INTS8: variants seen among roughly 807,000 people sequenced by gnomAD.
The protein encoded by INTS8 is protein kaonashi-1.
Under a neutral mutation model 138.9 loss-of-function variants are expected in INTS8, and 47 were observed. The ratio of observed to expected loss-of-function variants is 0.34; its 90% CI spans 0.27 to 0.43. The LOEUF (loss-of-function observed/expected upper bound fraction) is 0.43, where lower values mean the gene tolerates loss of function less well. Among genes scored for constraint, INTS8 ranks in the 20% least tolerant of loss-of-function variants. The pLI is 1.00. For synonymous variants in INTS8, 392 were observed against 400.9 expected (o/e 0.98, Z 0.27); for missense variants, 996 against 1,173.0 (o/e 0.85, Z 2.20).
chr8:94,872,716 G>A (rs1375972418), intron 21 of INTS8, among the ~76,000 whole-genome samples: 1 of 152,128 alleles, frequency 6.6e-6, no homozygotes, highest in East Asian at 1.9e-4. Flanking sequence ...CACTTGATAC[G>A]AAACTTTCAA....
rs1230190886 is a variant in INTS8 at position 94,881,728 on chromosome 8, T to C, written c.*1494T>C. 6 of 1,613,878 alleles carry C rather than the reference T, an allele frequency of 3.7e-6. No homozygotes were observed. Among genetic ancestry groups the C allele is most frequent in the South Asian group, 1.1e-5 (1 of 91,080 alleles). On this transcript the variant is annotated 3_prime_UTR_variant, in exon 27 of 27. Coordinates refer to ENST00000523731, the MANE Select transcript of INTS8 (RefSeq NM_017864.4). Reference sequence around the variant, plus strand: ...ACTGTCCCCCTTTTCTGAAGGTGTTTATGTAATTTACTTCCTCCTATACAT... The same window carrying C: ...ACTGTCCCCCTTTTCTGAAGGTGTTCATGTAATTTACTTCCTCCTATACAT...
chr8:94,874,143 A>G (rs991691896), intron 22 of INTS8, among the ~76,000 whole-genome samples: 2 of 152,076 alleles, frequency 1.3e-5, no homozygotes, highest in African/African-American at 2.4e-5. Flanking sequence ...CTCATACTGT[A>G]TATCAGTTTG....
In INTS8 at chr8:94,867,272, A is replaced by G; in HGVS notation, c.2353-4A>G. The G allele has an allele frequency of 6.2e-7, 1 of 1,605,656 alleles. No homozygotes were observed. The highest frequency in any genetic ancestry group is 8.5e-7 in the Non-Finnish European group (1 of 1,177,168). On this transcript the variant is annotated splice_polypyrimidine_tract_variant and splice_region_variant and intron_variant, in intron 19 of 26. Coordinates refer to ENST00000523731, the MANE Select transcript of INTS8 (RefSeq NM_017864.4). ...AAATCACACCTTTTTTTTTCTTTTTAAAGGAGGACATTGTGAATGATATTA... is the reference window on the plus strand; with the variant it reads ...AAATCACACCTTTTTTTTTCTTTTTGAAGGAGGACATTGTGAATGATATTA...
intron 12 of INTS8, among the ~76,000 whole-genome samples, chr8:94,850,824 G>T (rs1815515317): frequency 6.6e-6 from 1 of 151,970 alleles, no homozygotes; most frequent in African/African-American, 2.4e-5. Flanking sequence ...TTTTTGCCTT[G>T]TTTGATTTTT....
At chr8:94,852,692 A>T (rs7832415) in intron 13 of INTS8, among the ~76,000 whole-genome samples, 18 of 151,548 alleles carry the variant, frequency 1.2e-4, no homozygotes, top group Non-Finnish European at 2.5e-4. Context: ...GGGTTCAAGC[A>T]ATTCTCCTTC....
At chr8:94,829,094 T>C in intron 5 of INTS8, 68 bp downstream of exon 5, 1 of 1,191,910 alleles carries the variant, frequency 8.4e-7, no homozygotes, top group Non-Finnish European at 1.2e-6. Context: ...TCCCAACCTT[T>C]TTGGCACCAG....
chr8:94,865,360 G>A (rs1299360935), intron 16 of INTS8, 146 bp from the exon 17 acceptor site: 1 of 622,488 alleles, frequency 1.6e-6, no homozygotes, highest in South Asian at 2.2e-5. Flanking sequence ...ATTCCTCAAA[G>A]GTTGTACAGA....
Position 94,849,511 on chromosome 8 carries a change from G to A in INTS8, c.1310G>A (p.Gly437Glu), listed in dbSNP as rs148690736. Residue 437 changes from glycine (G) to glutamate (E), a missense_variant, in exon 11 of 27, where the codon GGA (glycine) becomes GAA (glutamate). Transcript: ENST00000523731. ...NLEKASESLK[G>E]NMAAFLKNVC... ...GAAAAAGCTTCAGAGTCTTTGAAAG[G>A]AAACATGGCTGCTTTTCTAAAGTAA... 8,977 of 1,563,984 alleles carry A rather than the reference G, an allele frequency of 5.7e-3. 31 individuals are homozygous for A. The highest frequency in any genetic ancestry group is 7.0e-3 in the Non-Finnish European group (8,058 of 1,149,258).
intron 16 of INTS8, among the ~76,000 whole-genome samples, chr8:94,860,579 C>CAAAA (rs58945163): frequency 1.8e-4 from 7 of 39,434 alleles, no homozygotes; most frequent in African/African-American, 4.0e-4. Flanking sequence ...AACTCTACCT[C>CAAAA]AAAAAAAAAA....
chr8:94,857,135 C>G (rs1047878926), intron 15 of INTS8, among the ~76,000 whole-genome samples, 157 bp downstream of exon 15: 1 of 146,548 alleles, frequency 6.8e-6, no homozygotes, highest in Non-Finnish European at 1.5e-5. Context: ...TGTAATGGCG[C>G]GATCTCGGCC....
chr8:94,841,655 C>G (rs1378282009), intron 9 of INTS8, 64 bp downstream of exon 9: 1 of 820,802 alleles, frequency 1.2e-6, no homozygotes, highest in African/African-American at 1.7e-5. Context: ...TCTGGTTTAT[C>G]AAAACCACAT....
intron 7 of INTS8, among the ~76,000 whole-genome samples, 164 bp downstream of exon 7, chr8:94,836,795 T>A (rs1172394052): frequency 2.0e-5 from 3 of 152,206 alleles, no homozygotes; most frequent in Non-Finnish European, 4.4e-5. Context: ...TAATATAACC[T>A]GGAAATATAG....
At chr8:94,850,198 T>C (rs754424764) in intron 12 of INTS8, 107 bp downstream of exon 12, 67 of 726,922 alleles carry the variant, frequency 9.2e-5, no homozygotes, top group Non-Finnish European at 1.4e-4. Context: ...TTAACACTTG[T>C]GTTGGTAATT....
intron 5 of INTS8, among the ~76,000 whole-genome samples, chr8:94,830,827 T>A (rs1814686005): frequency 6.6e-6 from 1 of 152,230 alleles, no homozygotes; most frequent in African/African-American, 2.4e-5. Context: ...AGATGGAGTC[T>A]TGCTCTGTTG....
At chr8:94,871,273 C>T (rs563927973) in intron 20 of INTS8, among the ~76,000 whole-genome samples, 110 of 151,154 alleles carry the variant, frequency 7.3e-4, no homozygotes, top group African/African-American at 2.6e-3. Context: ...TTGAGACCAG[C>T]CTGGCCAACA....
Position 94,861,034 on chromosome 8 carries a change from G to T in INTS8, c.2076+1402G>T, listed in dbSNP as rs1288927501. On this transcript the variant is annotated intron_variant, in intron 16 of 26. Coordinates refer to ENST00000523731, the MANE Select transcript of INTS8 (RefSeq NM_017864.4). ...ATGGCGCCACTGCACTCCAGCCTGGGCGACAGAGTGAGACTCTGTCTCAAA... is the reference window on the plus strand; with the variant it reads ...ATGGCGCCACTGCACTCCAGCCTGGTCGACAGAGTGAGACTCTGTCTCAAA... Among the ~76,000 whole-genome samples, 13 of 145,910 alleles carry T rather than the reference G, an allele frequency of 8.9e-5. No homozygotes were observed. The South Asian group carries it at 2.9e-3, about 32-fold the overall frequency.
chr8:94,871,876 C>G lies in INTS8; in HGVS notation c.2415-8C>G. 1 of 1,432,792 alleles carries G rather than the reference C, an allele frequency of 7.0e-7. No individual in the cohort carries two copies. Among genetic ancestry groups the G allele is most frequent in the Non-Finnish European group, 9.8e-7 (1 of 1,020,306 alleles). The allele number at this position is 1,432,792 out of a possible 1,614,324, so 88.8% of individuals were successfully genotyped here. ...ATAGAGATTAATGTTGTGTGTCTTTCCTTTTAGCCTCCAGTCTGTGGACTT... is the reference window on the plus strand; with the variant it reads ...ATAGAGATTAATGTTGTGTGTCTTTGCTTTTAGCCTCCAGTCTGTGGACTT... On this transcript the variant is annotated splice_polypyrimidine_tract_variant and splice_region_variant and intron_variant, in intron 20 of 26. Coordinates refer to ENST00000523731, the MANE Select transcript of INTS8 (RefSeq NM_017864.4).
At chr8:94,865,060 G>T (rs890398869) in intron 16 of INTS8, among the ~76,000 whole-genome samples, 2 of 151,208 alleles carry the variant, frequency 1.3e-5, no homozygotes, top group East Asian at 1.9e-4. Flanking sequence ...GTATTTGCAC[G>T]TGGGAGAGAG....
chr8:94,823,732 G>A (rs983612760), intron 1 of INTS8, among the ~76,000 whole-genome samples, 171 bp downstream of exon 1: 7 of 152,256 alleles, frequency 4.6e-5, no homozygotes, highest in Non-Finnish European at 5.9e-5. Context: ...CGGGTGGAGG[G>A]TCAAAGAAAA....
Sources: allele counts gnomAD v4.1 joint callset (sites outside exome capture counted in the v4.1 genomes callset), GRCh38; gene constraint gnomAD v4.1.1; transcripts MANE v1.5; gene names NCBI Gene and HGNC (gene_info 2026-07-23, HGNC 2026-07-21).